The following GBP1 variants were observed in gnomAD, a reference collection of about 807,000 sequenced individuals.
The protein encoded by GBP1 is guanylate binding protein 1.
Under a neutral mutation model 69.5 loss-of-function variants are expected in GBP1, and 64 were observed. The observed-to-expected ratio is 0.92, with a 90% confidence interval of 0.75 to 1.13. The LOEUF (loss-of-function observed/expected upper bound fraction) is 1.13, where lower values mean the gene tolerates loss of function less well. GBP1 is among the 50% of genes most tolerant of loss of function. GBP1 has a pLI of 0.00. For synonymous variants in GBP1, 250 were observed against 261.2 expected (o/e 0.96, Z 0.41); for missense variants, 630 against 704.1 (o/e 0.89, Z 1.19).
chr1:89,059,288 T>C lies in GBP1; in HGVS notation c.428+29A>G, dbSNP rs763228979. ...TGAATACAGGTGTCCCCTCTGACCT[T>C]GGTGCTGTTCTGGGTCACAAAAGGA... is the stretch of plus-strand genomic sequence containing the variant. On this transcript the variant is annotated intron_variant, in intron 4 of 10. Transcript: ENST00000370473. The C allele has an allele frequency of 5.6e-6, 9 of 1,613,970 alleles. No homozygotes were observed. In the South Asian group the frequency reaches 8.8e-5, roughly 16 times the overall value.
chr1:89,062,085 CTG>C (rs1478074634), intron 2 of GBP1, among the ~76,000 whole-genome samples: 1 of 152,034 alleles, frequency 6.6e-6, no homozygotes, highest in Non-Finnish European at 1.5e-5. Flanking sequence ...GGTACAGTCA[CTG>C]TGGAAAATGG....
chr1:89,061,504 A>G (rs1680197799), intron 2 of GBP1, among the ~76,000 whole-genome samples: 1 of 152,152 alleles, frequency 6.6e-6, no homozygotes, highest in Non-Finnish European at 1.5e-5. Context: ...ACAAATATGA[A>G]CTCAAAATGG....
At chr1:89,057,286 C>G in intron 6 of GBP1, 152 bp from the exon 7 acceptor site, 3 of 1,103,808 alleles carry the variant, frequency 2.7e-6, no homozygotes, top group Non-Finnish European at 3.9e-6. Context: ...CTCTCAGACC[C>G]TGTCCGAGAT....
At chr1:89,057,728 A>T (rs1680081003) in intron 6 of GBP1, among the ~76,000 whole-genome samples, 1 of 124,786 alleles carries the variant, frequency 8.0e-6, no homozygotes, top group Non-Finnish European at 1.9e-5. Flanking sequence ...ATGTTTACAT[A>T]GACACACTTG....
At chr1:89,055,708 G>A (rs1680025599) in intron 8 of GBP1, 2 of 450,252 alleles carry the variant, frequency 4.4e-6, no homozygotes, top group East Asian at 4.5e-5. Flanking sequence ...TTACATTTTT[G>A]TTTAAGCAGC....
chr1:89,058,708 G>A (rs1680106030), intron 5 of GBP1, 133 bp downstream of exon 5: 1 of 822,542 alleles, frequency 1.2e-6, no homozygotes. Flanking sequence ...TATTCAGCAA[G>A]TATTAATTTC....
In GBP1 at chr1:89,059,256, T is replaced by G. The variant is rs1313906521; in HGVS notation, c.428+61A>C. ...TCATCAGGATTCACAGTCAGGCAGC[T>G]GGTGTATGAATACAGGTGTCCCCTC... On this transcript the variant is annotated intron_variant, in intron 4 of 10. Coordinates refer to ENST00000370473, the MANE Select transcript of GBP1 (RefSeq NM_002053.3). 6 of 1,613,926 alleles carry G rather than the reference T, an allele frequency of 3.7e-6. No individual in the cohort carries two copies. In the African/African-American group the frequency reaches 6.7e-5, roughly 18 times the overall value.
At position 89,052,689 on chromosome 1, in the gene GBP1, A is replaced by C. The variant is rs1480151948; in HGVS notation, c.*666T>G. On this transcript the variant is annotated 3_prime_UTR_variant, in exon 11 of 11. Coordinates refer to ENST00000370473, the MANE Select transcript of GBP1 (RefSeq NM_002053.3). ...TCCAGTGTCAATTGTCTAATGGTCTAAAGTGTCCCATTGAAGTTATAATCT... is the reference window on the plus strand; with the variant it reads ...TCCAGTGTCAATTGTCTAATGGTCTCAAGTGTCCCATTGAAGTTATAATCT... 2.6e-5 allele frequency: 4 copies of C among 152,224 alleles called. No homozygotes were observed. Among genetic ancestry groups the C allele is most frequent in the Admixed American group, 2.0e-4 (3 of 15,280 alleles). 9.4% of individuals were successfully genotyped at this position (152,224 alleles called of 1,614,324 possible). A position where few individuals can be genotyped will look rare whatever the true frequency, so the allele number is the denominator to read the frequency against.
At chr1:89,063,463 A>G (rs1251473843) in intron 1 of GBP1, among the ~76,000 whole-genome samples, 1 of 152,228 alleles carries the variant, frequency 6.6e-6, no homozygotes, top group Non-Finnish European at 1.5e-5. Context: ...TCAACACTCA[A>G]CTACTCTCAC....
intron 5 of GBP1, 146 bp from the exon 6 acceptor site, chr1:89,058,380 G>T: frequency 1.4e-6 from 1 of 718,446 alleles, no homozygotes; most frequent in Non-Finnish European, 2.3e-6. Context: ...AACAGCTTTA[G>T]ACAATATGTA....
rs1231950494 is a variant in GBP1, at chr1:89,057,117, G to A, written c.892C>T (p.Leu298=). 3 of 1,614,282 alleles carry A rather than the reference G, an allele frequency of 1.9e-6. No homozygotes were observed. Among genetic ancestry groups the A allele is most frequent in the Non-Finnish European group, 2.5e-6 (3 of 1,180,050 alleles). ...VNGPRLESLV[L]TYVNAISSGD... is the part of the protein sequence containing the mutation. ...CTGCTGATGGCATTGACGTAGGTCA[G>A]CACCAGGCTCTCTAGACCTGCATAT... The change falls in exon 7 of 11, where the codon CTG becomes TTG. Residue 298 remains leucine, a synonymous_variant. Transcript: ENST00000370473.
rs552930029 is a variant in GBP1, at chr1:89,059,541, T to C, written c.319-115A>G. The C allele has an allele frequency of 8.2e-4, 810 of 989,688 alleles. 1 individual carries two copies. The highest frequency in any genetic ancestry group is 2.4e-3 in the Admixed American group (79 of 32,348). The allele number at this position is 989,688 out of a possible 1,614,324, so 61.3% of individuals were successfully genotyped here. ...AGAGGGTTTTTTTTTCTTTTCTTTT[T>C]TTTTTTTTTTTTTAACACTAATGAC... On this transcript the variant is annotated intron_variant, in intron 3 of 10. Coordinates refer to ENST00000370473, the MANE Select transcript of GBP1 (RefSeq NM_002053.3).
chr1:89,057,969 G>C (rs1317862304), intron 6 of GBP1, 23 bp downstream of exon 6: 11 of 1,597,328 alleles, frequency 6.9e-6, no homozygotes, highest in Non-Finnish European at 9.4e-6. Flanking sequence ...ACAATGAGCA[G>C]AAGTACTAGG....
At chr1:89,061,671 A>C (rs1170823138) in intron 2 of GBP1, among the ~76,000 whole-genome samples, 2 of 152,162 alleles carry the variant, frequency 1.3e-5, no homozygotes, top group Non-Finnish European at 2.9e-5. Context: ...CTTCAGCAAA[A>C]TTTAAAACTT....
At chr1:89,055,309 T>A (rs1680015115) in intron 8 of GBP1, 94 bp from the exon 9 acceptor site, 1 of 1,576,324 alleles carries the variant, frequency 6.3e-7, no homozygotes, top group African/African-American at 1.4e-5. Flanking sequence ...CTCTGGGAAT[T>A]CTTTCTCTTG....
intron 9 of GBP1, 27 bp from the exon 10 acceptor site, chr1:89,054,902 T>A: frequency 3.7e-6 from 6 of 1,606,350 alleles, no homozygotes; most frequent in Non-Finnish European, 5.1e-6. Flanking sequence ...AGAAGAAAAA[T>A]TTGTGTGGGG....
At chr1:89,053,632 C>T (rs762749722) in intron 10 of GBP1, among the ~76,000 whole-genome samples, 164 bp from the exon 11 acceptor site, 2 of 152,144 alleles carry the variant, frequency 1.3e-5, no homozygotes, top group Admixed American at 6.5e-5. Context: ...AGCCATGTTC[C>T]TTACCCTATT....
rs759908840 is a variant in GBP1 at position 89,063,166 on chromosome 1, C to T, written c.69G>A (p.Ala23=). The T allele has an allele frequency of 3.1e-5, 50 of 1,614,020 alleles. No homozygotes were observed. The highest frequency in any genetic ancestry group is 8.3e-5 in the Admixed American group (5 of 59,982). ...AAAGGATCTTCAGAGCTTCTGGATTCGCCATCAGTCGCCCATTAGTGTTCT... is the reference window on the plus strand; with the variant it reads ...AAAGGATCTTCAGAGCTTCTGGATTTGCCATCAGTCGCCCATTAGTGTTCT... The part of the protein sequence containing the change: ...LIENTNGRLM[A]NPEALKILSA... Residue 23 remains alanine (A), a synonymous_variant, in exon 2 of 11, where the codon GCG becomes GCA. Coordinates refer to ENST00000370473, the MANE Select transcript of GBP1 (RefSeq NM_002053.3).
intron 6 of GBP1, among the ~76,000 whole-genome samples, chr1:89,057,528 C>T (rs1205550758): frequency 6.6e-6 from 1 of 152,158 alleles, no homozygotes; most frequent in Non-Finnish European, 1.5e-5. Flanking sequence ...TGACACTATT[C>T]CAATAAAAAA....
Sources: gnomAD v4.1 joint callset for allele counts (sites outside exome capture counted in the v4.1 genomes callset) on GRCh38, gnomAD v4.1.1 for gene constraint, MANE v1.5 for transcripts, NCBI Gene and HGNC (gene_info 2026-07-23, HGNC 2026-07-21) for gene names.